SLC6A18: variants seen among roughly 807,000 people sequenced by gnomAD.
The protein encoded by SLC6A18 is solute carrier family 6 member 18, also known as inactive sodium-dependent neutral amino acid transporter B(0)AT3.
Under a neutral mutation model 62.9 loss-of-function variants are expected in SLC6A18, and 58 were observed. The observed-to-expected ratio is 0.92, with a 90% CI of 0.75 to 1.15. The LOEUF is 1.15. Among genes scored for constraint, SLC6A18 ranks in the 50% most tolerant of loss-of-function variants. The pLI is 0.00. For synonymous variants in SLC6A18, 382 were observed against 365.8 expected (o/e 1.04, Z -0.51); for missense variants, 793 against 836.6 (o/e 0.95, Z 0.64).
chr5:1,226,956 A>AACGCCTTGCCCACTG (rs1746588299), intron 1 of SLC6A18, among the ~76,000 whole-genome samples: 3 of 109,762 alleles, frequency 2.7e-5, no homozygotes, highest in Admixed American at 9.3e-5. Context: ...TGCCTTGCCC[A>AACGCCTTGCCCACTG]ACGCCTTGCC....
intron 4 of SLC6A18, 34 bp downstream of exon 4, chr5:1,235,696 CT>C (rs1441779078): frequency 6.2e-7 from 1 of 1,609,880 alleles, no homozygotes; most frequent in Non-Finnish European, 8.5e-7. Context: ...CCCTCTCTTG[CT>C]TCCTCCAGCC....
intron 3 of SLC6A18, 151 bp downstream of exon 3, chr5:1,233,039 G>A (rs1042605892): frequency 1.0e-4 from 119 of 1,150,610 alleles, no homozygotes; most frequent in African/African-American, 2.5e-4. Flanking sequence ...ACATGCACGC[G>A]CCTCGGTCTC....
Position 1,240,581 on chromosome 5 carries a change from C to T in SLC6A18, c.896C>T (p.Thr299Ile), listed in dbSNP as rs1440726692. 2 of 1,614,158 alleles carry T rather than the reference C, an allele frequency of 1.2e-6. No homozygotes were observed. Among genetic ancestry groups the T allele is most frequent in the South Asian group, 1.1e-5 (1 of 91,076 alleles). Residue 299 changes from threonine (T) to isoleucine (I), a missense_variant, in exon 7 of 12, where the codon ACC becomes ATC. Thr to Ile is a moderately conservative substitution (Grantham distance 89). Transcript: ENST00000324642. ...AVVIALVNRM[T>I]SLYASIAVFS... ...GTCATCGCCCTGGTCAACAGGATGA[C>T]CTCCCTGTACGCGTCCATCGCTGTC...
In SLC6A18 at chr5:1,238,078, CA is replaced by C; in HGVS notation, c.732+21del. 1 of 1,588,492 alleles carries C rather than the reference CA, an allele frequency of 6.3e-7. No homozygotes were observed. The highest frequency in any genetic ancestry group is 8.6e-7 in the Non-Finnish European group (1 of 1,156,758). On this transcript the variant is annotated intron_variant, in intron 5 of 11. Transcript: ENST00000324642. ...CTCCCAACGTAAGTGGGTCTTGGAT[CA>C]AAGTTCAGGGCCTCCAGCACACACA...
intron 4 of SLC6A18, among the ~76,000 whole-genome samples, chr5:1,237,240 C>CAAAAAA (rs61528804): frequency 1.3e-5 from 1 of 76,482 alleles, no homozygotes; most frequent in African/African-American, 5.4e-5. Context: ...GACTCTGTCT[C>CAAAAAA]AAAAAAAAAA....
intron 1 of SLC6A18, among the ~76,000 whole-genome samples, chr5:1,231,624 G>A (rs745889566): frequency 3.9e-5 from 6 of 152,192 alleles, no homozygotes; most frequent in South Asian, 4.1e-4. Context: ...GCATGAAGCC[G>A]GGGAGCCAAC....
intron 7 of SLC6A18, 49 bp from the exon 8 acceptor site, chr5:1,242,656 ATG>A: frequency 1.3e-6 from 2 of 1,553,472 alleles, no homozygotes; most frequent in South Asian, 2.4e-5. Context: ...GTTTCTCTGG[ATG>A]TGTTTGGGAA....
At position 1,246,063 on chromosome 5, in the gene SLC6A18, C is replaced by T. The variant is rs373956772; in HGVS notation, c.1872C>T (p.Asp624=). The T allele has an allele frequency of 1.0e-4, 164 of 1,585,676 alleles. No homozygotes were observed. The African/African-American group carries it at 2.0e-3, about 19-fold the overall frequency. The change falls in exon 12 of 12, where the codon GAC becomes GAT. Residue 624 remains aspartate, a synonymous_variant. Transcript: ENST00000324642. ...DTRPDTDMRP[D]TDMR is the part of the protein sequence containing the mutation. ...GCCCAGACACGGACATGCGCCCGGA[C>T]ACGGACATGCGCTGAAGCCGGCCGG...
chr5:1,245,228 G>A (rs375028261), intron 11 of SLC6A18, among the ~76,000 whole-genome samples: 10 of 152,212 alleles, frequency 6.6e-5, no homozygotes, highest in East Asian at 3.9e-4. Context: ...GCTGGAGGCC[G>A]TTTCCACACA....
Position 1,235,669 on chromosome 5 carries a change from G to A in SLC6A18, c.621+7G>A. On this transcript the variant is annotated splice_region_variant and intron_variant, in intron 4 of 11. Transcript: ENST00000324642. ...CATTGAGACTACAGGGAAGGTGAGA[G>A]CTGGCAGGGCCTGATCCCCTCTCTT... 1 of 1,613,558 alleles carries A rather than the reference G, an allele frequency of 6.2e-7. No individual in the cohort carries two copies. Among genetic ancestry groups the A allele is most frequent in the Non-Finnish European group, 8.5e-7 (1 of 1,179,840 alleles).
In SLC6A18 at chr5:1,245,879, AC is replaced by A; in HGVS notation, c.1691del (p.Pro564ArgfsTer?). On this transcript the variant is annotated frameshift_variant, in exon 12 of 12. Coordinates refer to ENST00000324642, the MANE Select transcript of SLC6A18 (RefSeq NM_182632.3). LOFTEE classifies it low-confidence loss of function (END_TRUNC). ...ELFPSRQEKLYPGWARAACVL... is the reference protein window; with the variant it reads ...ELFPSRQEKLXPGWARAACVL... ...TTCCCCTCGCGTCAGGAGAAGCTCT[AC>A]CCGGGCTGGGCGCGCGCCGCCTGTG... 2 of 1,607,934 alleles carry A rather than the reference AC, an allele frequency of 1.2e-6. No individual in the cohort carries two copies. Among genetic ancestry groups the A allele is most frequent in the Non-Finnish European group, 1.7e-6 (2 of 1,179,030 alleles).
chr5:1,230,409 G>C (rs1746701377), intron 1 of SLC6A18, among the ~76,000 whole-genome samples: 1 of 152,178 alleles, frequency 6.6e-6, no homozygotes. Flanking sequence ...AGGCATCTTG[G>C]GGTGTCAGGT....
In SLC6A18 at chr5:1,241,937, C is replaced by A. The variant is rs548529096; in HGVS notation, c.975-770C>A. ...GGGCTAGAAGTGAGGGGAGCGAGGT[C>A]TCTCTCTTCAGGATTGTTCTAGGAA... On this transcript the variant is annotated intron_variant, in intron 7 of 11. Coordinates refer to ENST00000324642, the MANE Select transcript of SLC6A18 (RefSeq NM_182632.3). The surrounding 1 kb of genome is among the most constrained non-coding windows in gnomAD (Gnocchi z 7.8). Among the ~76,000 whole-genome samples the A allele has an allele frequency of 1.3e-5, 2 of 152,202 alleles. No individual in the cohort carries two copies. The highest frequency in any genetic ancestry group is 4.8e-5 in the African/African-American group (2 of 41,462).
chr5:1,240,214 T>C (rs1747017857), intron 6 of SLC6A18, among the ~76,000 whole-genome samples: 2 of 152,256 alleles, frequency 1.3e-5, no homozygotes, highest in South Asian at 4.1e-4. Flanking sequence ...TGGAGATGAT[T>C]TTCCAAAACA....
chr5:1,246,067 G>C lies in SLC6A18; in HGVS notation c.1876G>C (p.Asp626His). 1 of 1,581,704 alleles carries C rather than the reference G, an allele frequency of 6.3e-7. No homozygotes were observed. Among genetic ancestry groups the C allele is most frequent in the Admixed American group, 1.7e-5 (1 of 57,332 alleles). Residue 626 changes from aspartate (D) to histidine (H), a missense_variant, in exon 12 of 12, where the codon GAC (aspartate) becomes CAC (histidine). By Grantham distance (81) the Asp-to-His change is moderately conservative. Coordinates refer to ENST00000324642, the MANE Select transcript of SLC6A18 (RefSeq NM_182632.3). ...AGACACGGACATGCGCCCGGACACGGACATGCGCTGAAGCCGGCCGGAGCG... is the reference window on the plus strand; with the variant it reads ...AGACACGGACATGCGCCCGGACACGCACATGCGCTGAAGCCGGCCGGAGCG... Reference protein sequence around the residue: ...RPDTDMRPDTDMR With the variant: ...RPDTDMRPDTHMR
intron 1 of SLC6A18, among the ~76,000 whole-genome samples, chr5:1,231,617 T>C (rs1020321128): frequency 1.3e-5 from 2 of 152,170 alleles, no homozygotes; most frequent in Non-Finnish European, 2.9e-5. Flanking sequence ...AAGAGCAGCA[T>C]GAAGCCGGGG....
At chr5:1,234,023 G>C (rs956004503) in intron 3 of SLC6A18, among the ~76,000 whole-genome samples, 23 of 152,128 alleles carry the variant, frequency 1.5e-4, no homozygotes, top group South Asian at 1.0e-3. Context: ...TTACAGGCGT[G>C]AGCCACCGCG....
Position 1,244,292 on chromosome 5 carries a change from A to G in SLC6A18, c.1415A>G (p.Asp472Gly), listed in dbSNP as rs763936125. The G allele has an allele frequency of 5.0e-6, 8 of 1,613,348 alleles. No homozygotes were observed. Among genetic ancestry groups the G allele is most frequent in the Non-Finnish European group, 6.8e-6 (8 of 1,179,906 alleles). Residue 472 changes from aspartate (D) to glycine (G), a missense_variant, in exon 10 of 12, where the codon GAC (aspartate) becomes GGC (glycine). Coordinates refer to ENST00000324642, the MANE Select transcript of SLC6A18 (RefSeq NM_182632.3). ...QSGNYWLEIFDNFAASPNLLM... is the reference protein window; with the variant it reads ...QSGNYWLEIFGNFAASPNLLM... Reference sequence around the variant, plus strand: ...GGGAACTACTGGCTGGAGATTTTCGACAATTTTGCCGCTTCCCCGAACCTG... The same window carrying G: ...GGGAACTACTGGCTGGAGATTTTCGGCAATTTTGCCGCTTCCCCGAACCTG...
Position 1,243,823 on chromosome 5 carries a change from C to A in SLC6A18, c.1336+64C>A. On this transcript the variant is annotated intron_variant, in intron 9 of 11. Coordinates refer to ENST00000324642, the MANE Select transcript of SLC6A18 (RefSeq NM_182632.3). This position sits in a 1 kb window ranked among gnomAD's most constrained non-coding sequence, Gnocchi z 6.5. ...CAGCATCTGACTGTCCACTCCCGCCCGCTGTCCAGACGCCCCTCCTGGATG... is the reference window on the plus strand; with the variant it reads ...CAGCATCTGACTGTCCACTCCCGCCAGCTGTCCAGACGCCCCTCCTGGATG... 5 of 1,454,838 alleles carry A rather than the reference C, an allele frequency of 3.4e-6. No individual in the cohort carries two copies. Among genetic ancestry groups the A allele is most frequent in the South Asian group, 1.3e-5 (1 of 76,636 alleles). 90.1% of individuals were successfully genotyped at this position (1,454,838 alleles called of 1,614,324 possible).
Sources: allele counts gnomAD v4.1 joint callset (sites outside exome capture counted in the v4.1 genomes callset), GRCh38; gene constraint gnomAD v4.1.1; non-coding constraint Gnocchi (gnomAD v3.1); transcripts MANE v1.5; gene names NCBI Gene and HGNC (gene_info 2026-07-23, HGNC 2026-07-21).